SYT1: variants seen among roughly 807,000 people sequenced by gnomAD.
SYT1 encodes synaptotagmin-1.
In SYT1, 8 loss-of-function variants were observed where a neutral mutation model predicts 44.8. The observed-to-expected ratio is 0.18, with a 90% CI of 0.10 to 0.32. The LOEUF (loss-of-function observed/expected upper bound fraction) is 0.32. SYT1 is among the 10% of genes least tolerant of loss of function. SYT1 has a pLI of 1.00. For missense variants in SYT1, 286 were observed against 509.3 expected, an observed-to-expected ratio of 0.56 and a Z score of 4.22; for synonymous variants, 154 against 188.8, an observed-to-expected ratio of 0.82 and a Z score of 1.51.
chr12:78,943,598 T>A (rs1173823491), intron 1 of SYT1, among the ~76,000 whole-genome samples: 1 of 152,100 alleles, frequency 6.6e-6, no homozygotes, highest in East Asian at 1.9e-4. Context: ...TAATTCAACA[T>A]GAGATTTGGC....
intron 10 of SYT1, among the ~76,000 whole-genome samples, chr12:79,446,580 A>AAAAT (rs1452903804): frequency 1.3e-5 from 2 of 152,170 alleles, no homozygotes; most frequent in African/African-American, 4.8e-5. Context: ...TAAATGACCA[A>AAAAT]AAATAACCAA....
chr12:78,881,852 T>A (rs992873275), intron 1 of SYT1, among the ~76,000 whole-genome samples: 1 of 151,534 alleles, frequency 6.6e-6, no homozygotes, highest in Admixed American at 6.6e-5. Flanking sequence ...ACAAGAGAAA[T>A]GTTAAGATGA....
At chr12:78,980,893 A>G (rs1322613044) in intron 2 of SYT1, among the ~76,000 whole-genome samples, 1 of 152,114 alleles carries the variant, frequency 6.6e-6, no homozygotes, top group East Asian at 1.9e-4. Flanking sequence ...GGGTTATAGC[A>G]TGAACAGTAT....
At chr12:78,865,622 A>G (rs1328802861) in intron 1 of SYT1, among the ~76,000 whole-genome samples, 1 of 152,046 alleles carries the variant, frequency 6.6e-6, no homozygotes, top group Non-Finnish European at 1.5e-5. Context: ...ATCAGAGCAC[A>G]TAAAGCAATT....
At chr12:79,169,536 C>G (rs1173924307) in intron 3 of SYT1, among the ~76,000 whole-genome samples, 1 of 151,954 alleles carries the variant, frequency 6.6e-6, no homozygotes. Flanking sequence ...ATTTTAAAAA[C>G]TCCTCTGGAA....
At chr12:79,243,299 A>C (rs939904405) in intron 4 of SYT1, among the ~76,000 whole-genome samples, 2 of 152,210 alleles carry the variant, frequency 1.3e-5, no homozygotes, top group African/African-American at 2.4e-5. Context: ...TGACTTGTTA[A>C]ATAGAATTTC....
chr12:79,060,337 A>G (rs1223486928), intron 3 of SYT1, among the ~76,000 whole-genome samples: 3 of 151,930 alleles, frequency 2.0e-5, no homozygotes, highest in Non-Finnish European at 4.4e-5. Context: ...CATCAAATTT[A>G]CCATTTTAAC....
In SYT1 at chr12:79,018,984, G is replaced by A. The variant is rs181958525; in HGVS notation, c.-83-28313G>A. On this transcript the variant is annotated intron_variant, in intron 2 of 10. Coordinates refer to ENST00000261205, the MANE Select transcript of SYT1 (RefSeq NM_005639.3). The stretch of plus-strand genomic sequence containing the variant: ...GTTTTGTATTCTGCTCAGCACATAC[G>A]TAATTTGTAAATGATAGCTATTCGT... Among the ~76,000 whole-genome samples, 136 of 152,128 alleles carry A rather than the reference G, an allele frequency of 8.9e-4. 1 individual carries two copies. Among genetic ancestry groups the A allele is most frequent in the Non-Finnish European group, 8.2e-4 (56 of 67,958 alleles).
intron 9 of SYT1, among the ~76,000 whole-genome samples, chr12:79,402,353 G>C (rs992028788): frequency 6.6e-6 from 1 of 152,118 alleles, no homozygotes; most frequent in Non-Finnish European, 1.5e-5. Context: ...CAAAATCAAA[G>C]CTTCAAGCTT....
intron 9 of SYT1, among the ~76,000 whole-genome samples, chr12:79,363,224 G>T (rs1266158200): frequency 6.6e-6 from 1 of 152,118 alleles, no homozygotes; most frequent in Non-Finnish European, 1.5e-5. Flanking sequence ...ATTATGTTTA[G>T]TGGGTTCTTT....
intron 8 of SYT1, among the ~76,000 whole-genome samples, chr12:79,321,615 G>A (rs1337591874): frequency 6.6e-6 from 1 of 152,200 alleles, no homozygotes; most frequent in African/African-American, 2.4e-5. Context: ...GAAAAGGAAT[G>A]GGACTTAGCT....
At chr12:79,065,225 C>T (rs1402058367) in intron 3 of SYT1, among the ~76,000 whole-genome samples, 2 of 151,982 alleles carry the variant, frequency 1.3e-5, no homozygotes, top group Non-Finnish European at 2.9e-5. Context: ...TAAAAACAAA[C>T]AACAACAAAA....
At chr12:79,315,573 CT>C (rs1881042449) in intron 8 of SYT1, among the ~76,000 whole-genome samples, 1 of 152,176 alleles carries the variant, frequency 6.6e-6, no homozygotes, top group Admixed American at 6.5e-5. Context: ...TCCAGGCTGA[CT>C]GGGGTTCCAT....
chr12:79,022,386 A>G (rs1199725441), intron 2 of SYT1, among the ~76,000 whole-genome samples: 1 of 151,826 alleles, frequency 6.6e-6, no homozygotes, highest in South Asian at 2.1e-4. Context: ...GTAGACCCCA[A>G]GACGTTTTTA....
intron 3 of SYT1, among the ~76,000 whole-genome samples, chr12:79,178,961 G>GAT (rs1442569757): frequency 5.1e-5 from 1 of 19,536 alleles, no homozygotes; most frequent in Non-Finnish European, 9.5e-5. Context: ...TATAGATATA[G>GAT]ATATAGATAT....
chr12:78,872,044 C>G (rs1465259691), intron 1 of SYT1, among the ~76,000 whole-genome samples: 1 of 151,868 alleles, frequency 6.6e-6, no homozygotes, highest in Non-Finnish European at 1.5e-5. Context: ...AACAATATGA[C>G]ATTACAAATA....
Position 79,179,424 on chromosome 12 carries a change from C to CCA in SYT1, c.-17-38079_-17-38078insCA, listed in dbSNP as rs1565842151. 3.9e-4 allele frequency among the ~76,000 whole-genome samples: 43 copies of CCA among 110,764 alleles called. 4 individuals carry two copies. Among genetic ancestry groups the CCA allele is most frequent in the African/African-American group, 1.5e-3 (41 of 26,912 alleles). The allele number at this position is 110,764 out of a possible 152,430, so 72.7% of individuals were successfully genotyped here. A position where few individuals can be genotyped will look rare whatever the true frequency, so the allele number is the denominator to read the frequency against. On this transcript the variant is annotated intron_variant, in intron 3 of 10. Transcript: ENST00000261205. ...CATATAGATATAGATATAGATATATCTATATAGATATATCCATATAGATAT... is the reference window on the plus strand; with the variant it reads ...CATATAGATATAGATATAGATATATCCATATATAGATATATCCATATAGATAT...
chr12:79,139,267 G>A (rs930440333), intron 3 of SYT1, among the ~76,000 whole-genome samples: 10 of 152,290 alleles, frequency 6.6e-5, no homozygotes, highest in South Asian at 2.1e-4. Flanking sequence ...TTGAGAGAAA[G>A]CAAGAATGAG....
intron 9 of SYT1, among the ~76,000 whole-genome samples, chr12:79,437,580 G>C (rs1360382538): frequency 6.6e-6 from 1 of 152,172 alleles, no homozygotes; most frequent in African/African-American, 2.4e-5. Flanking sequence ...TTTCTGCAAA[G>C]CTTGCCCATT....
Sources: gnomAD v4.1 joint callset for allele counts (sites outside exome capture counted in the v4.1 genomes callset) on GRCh38, gnomAD v4.1.1 for gene constraint, MANE v1.5 for transcripts, NCBI Gene and HGNC (gene_info 2026-07-23, HGNC 2026-07-21) for gene names.